Variants in BEAN1 observed in about 807,000 individuals in gnomAD.
BEAN1 encodes protein BEAN1.
In BEAN1, 17 loss-of-function variants were observed where a neutral mutation model predicts 17.7. That is an observed-to-expected ratio of 0.96 (90% CI 0.66 to 1.44). The LOEUF (loss-of-function observed/expected upper bound fraction) is 1.44. Among genes scored for constraint, BEAN1 ranks in the 40% most tolerant of loss-of-function variants. The pLI is 0.00. For synonymous variants in BEAN1, 142 were observed against 151.8 expected (o/e 0.94, Z 0.47); for missense variants, 359 against 374.1 (o/e 0.96, Z 0.33).
At chr16:66,474,003 G>T (rs1050216675) in intron 3 of BEAN1, among the ~76,000 whole-genome samples, 1 of 152,040 alleles carries the variant, frequency 6.6e-6, no homozygotes, top group Non-Finnish European at 1.5e-5. Context: ...GCTCCAGCCC[G>T]CAGGTCAGCT....
At chr16:66,492,617 T>C (rs1392184312) in intron 4 of BEAN1, among the ~76,000 whole-genome samples, 1 of 151,538 alleles carries the variant, frequency 6.6e-6, no homozygotes, top group African/African-American at 2.4e-5. Context: ...TTTTTTTGTA[T>C]TTTTAGTAGA....
intron 2 of BEAN1, among the ~76,000 whole-genome samples, chr16:66,440,608 A>G (rs1025325241): frequency 1.3e-5 from 2 of 152,178 alleles, no homozygotes; most frequent in Non-Finnish European, 2.9e-5. Context: ...CTGGGCCCCC[A>G]GGGCTCCAGT....
At chr16:66,429,907 C>T (rs182866763) in intron 1 of BEAN1, among the ~76,000 whole-genome samples, 7 of 152,300 alleles carry the variant, frequency 4.6e-5, no homozygotes, top group Admixed American at 4.6e-4. Context: ...ATCAGCCGGA[C>T]ACCCTCAGAG....
chr16:66,492,986 T>C (rs1420540125), exon 5 of BEAN1: 1 of 702,838 alleles, frequency 1.4e-6, no homozygotes, highest in African/African-American at 1.7e-5. Context: ...CTTTACCTAC[T>C]GGGTGCGATC....
rs138825420 is a variant in BEAN1 at position 66,459,463 on chromosome 16, G to A, written c.26-10139G>A. ...GCTTCCCGAGTAGCTGGGATTACAAGCACCTGCCACCATGCAAGGCTAATT... is the reference window on the plus strand; with the variant it reads ...GCTTCCCGAGTAGCTGGGATTACAAACACCTGCCACCATGCAAGGCTAATT... On this transcript the variant is annotated intron_variant, in intron 2 of 4. Coordinates refer to ENST00000536005, the MANE Select transcript of BEAN1 (RefSeq NM_001178020.3). Among the ~76,000 whole-genome samples the A allele has an allele frequency of 4.2e-3, 634 of 152,266 alleles. 1 individual carries two copies. The highest frequency in any genetic ancestry group is 7.6e-3 in the Non-Finnish European group (516 of 68,026).
At chr16:66,447,204 C>T (rs936728190) in intron 2 of BEAN1, among the ~76,000 whole-genome samples, 4 of 152,098 alleles carry the variant, frequency 2.6e-5, no homozygotes, top group Admixed American at 1.3e-4. Context: ...CAGGAGTTTG[C>T]GGGTGCCTTC....
rs1043033926 is a variant in BEAN1, at chr16:66,471,602, G to A, written c.289+1737G>A. ...TCAGAAGAGCAGGAGGCTGGACCTT[G>A]TGTAAGACACAGAGGGACATCCCGG... On this transcript the variant is annotated intron_variant, in intron 3 of 4. Transcript: ENST00000536005. This position sits in a 1 kb window ranked among gnomAD's most constrained non-coding sequence, Gnocchi z 4.7. Among the ~76,000 whole-genome samples, 2 of 152,246 alleles carry A rather than the reference G, an allele frequency of 1.3e-5. No homozygotes were observed. The highest frequency in any genetic ancestry group is 2.9e-5 in the Non-Finnish European group (2 of 68,046).
Position 66,492,980 on chromosome 16 carries a change from A to G in BEAN1, c.166A>G (p.Thr56Ala), listed in dbSNP as rs755809041. 5 of 702,892 alleles carry G rather than the reference A, an allele frequency of 7.1e-6. No homozygotes were observed. In the Middle Eastern group the frequency reaches 9.2e-4, roughly 129 times the overall value. 43.5% of individuals were successfully genotyped at this position (702,892 alleles called of 1,614,324 possible). The change falls in exon 5 of 5, where the codon ACC (threonine) becomes GCC (alanine). Residue 56 changes from threonine (T) to alanine (A), a missense_variant. Physicochemically the swap from Thr to Ala is moderately conservative, Grantham distance 58. Coordinates refer to the BEAN1 transcript ENST00000561796. ...GTTCTAGATGTACACTGGGAGCTTT[A>G]CCTACTGGGTGCGATCTATGCTTTC...
chr16:66,488,193 C>A (rs1010634075), intron 4 of BEAN1, among the ~76,000 whole-genome samples: 1 of 132,826 alleles, frequency 7.5e-6, no homozygotes, highest in Admixed American at 8.5e-5. Flanking sequence ...AGTAAGCAAC[C>A]AAAAGCAATA....
downstream of BEAN1, among the ~76,000 whole-genome samples, chr16:66,486,859 C>T (rs548129056): frequency 6.6e-6 from 1 of 152,302 alleles, no homozygotes; most frequent in East Asian, 1.9e-4. Context: ...TGAGTCAGGG[C>T]AGGTGCTGGG....
At chr16:66,477,509 C>A (rs1322847750) in intron 3 of BEAN1, 51 bp from the exon 4 acceptor site, 2 of 1,469,680 alleles carry the variant, frequency 1.4e-6, no homozygotes, top group Non-Finnish European at 1.8e-6. Flanking sequence ...CCCATAAGGA[C>A]CATCCCTGGA....
chr16:66,479,721 A>T (rs538730169), intron 4 of BEAN1, among the ~76,000 whole-genome samples: 1 of 152,124 alleles, frequency 6.6e-6, no homozygotes, highest in African/African-American at 2.4e-5. Flanking sequence ...GTGGGGGGTC[A>T]TGGAGCCAGA....
chr16:66,487,646 C>A (rs559360742), downstream of BEAN1, among the ~76,000 whole-genome samples: 1 of 152,268 alleles, frequency 6.6e-6, no homozygotes, highest in East Asian at 1.9e-4. Context: ...GACCCTGTGG[C>A]CTCTGAGCAA....
At chr16:66,446,600 C>G (rs1596995115) in intron 2 of BEAN1, among the ~76,000 whole-genome samples, 1 of 152,008 alleles carries the variant, frequency 6.6e-6, no homozygotes, top group Non-Finnish European at 1.5e-5. Flanking sequence ...GAATGCCGCT[C>G]AGTGCTGTGA....
At position 66,482,786 on chromosome 16, in the gene BEAN1, A is replaced by G. The variant is rs1238142040; in HGVS notation, c.*1861A>G. 1 of 441,708 alleles carries G rather than the reference A, an allele frequency of 2.3e-6. No individual in the cohort carries two copies. Among genetic ancestry groups the G allele is most frequent in the Non-Finnish European group, 4.5e-6 (1 of 222,998 alleles). The allele number at this position is 441,708 out of a possible 1,614,324, so 27.4% of individuals were successfully genotyped here. ...CAACAATGTATCTTTTCTGTGTTCA[A>G]AATAAATACATAATATCAATAAAAT... On this transcript the variant is annotated 3_prime_UTR_variant, in exon 5 of 5. Coordinates refer to ENST00000536005, the MANE Select transcript of BEAN1 (RefSeq NM_001178020.3).
At chr16:66,452,168 T>C (rs1365819947) in intron 2 of BEAN1, among the ~76,000 whole-genome samples, 3 of 152,244 alleles carry the variant, frequency 2.0e-5, no homozygotes, top group African/African-American at 4.8e-5. Context: ...GGATCTATCA[T>C]GGCAAAGAGG....
At position 66,481,810 on chromosome 16, in the gene BEAN1, G is replaced by T. The variant is rs1963995700; in HGVS notation, c.*885G>T. 6.6e-6 allele frequency: 1 copy of T among 152,526 alleles called. No homozygotes were observed. The highest frequency in any genetic ancestry group is 1.5e-5 in the Non-Finnish European group (1 of 68,302). The allele number at this position is 152,526 out of a possible 1,614,324, so 9.4% of individuals were successfully genotyped here. A position where few individuals can be genotyped will look rare whatever the true frequency, so the allele number is the denominator to read the frequency against. Reference sequence around the variant, plus strand: ...AGTGCTGCCTGGGCACCTCTCTGAGGCAGAGAAGTGGCCCCTCCCTCAGTC... The same window carrying T: ...AGTGCTGCCTGGGCACCTCTCTGAGTCAGAGAAGTGGCCCCTCCCTCAGTC... On this transcript the variant is annotated 3_prime_UTR_variant, in exon 5 of 5. Transcript: ENST00000536005. This position sits in a 1 kb window ranked among gnomAD's most constrained non-coding sequence, Gnocchi z 4.1.
chr16:66,442,536 A>C (rs1396963927), intron 2 of BEAN1, among the ~76,000 whole-genome samples: 8 of 152,136 alleles, frequency 5.3e-5, no homozygotes, highest in African/African-American at 1.9e-4. Flanking sequence ...GGCTGCCTGC[A>C]GGCTGGCAGG....
intron 3 of BEAN1, among the ~76,000 whole-genome samples, chr16:66,475,019 C>T (rs1349074392): frequency 6.6e-5 from 10 of 152,198 alleles, no homozygotes; most frequent in Admixed American, 3.9e-4. Context: ...TCCTCCCTCT[C>T]CCAGAGCCTG....
Sources: gnomAD v4.1 joint callset for allele counts (sites outside exome capture counted in the v4.1 genomes callset) on GRCh38, gnomAD v4.1.1 for gene constraint, Gnocchi (gnomAD v3.1) non-coding constraint, MANE v1.5 for transcripts, NCBI Gene and HGNC (gene_info 2026-07-23, HGNC 2026-07-21) for gene names.